GALNTL6: variants seen among roughly 807,000 people sequenced by gnomAD.
GALNTL6 encodes polypeptide N-acetylgalactosaminyltransferase-like 6.
A neutral mutation model predicts 73.7 loss-of-function variants in GALNTL6; 46 were observed. That is an observed-to-expected ratio of 0.62 (90% CI 0.49 to 0.80). The LOEUF is 0.80. Among genes scored for constraint, GALNTL6 ranks in the 30% least tolerant of loss-of-function variants. GALNTL6 has a pLI of 0.00. For missense variants in GALNTL6, 604 were observed against 755.0 expected, an observed-to-expected ratio of 0.80 and a Z score of 2.34; for synonymous variants, 259 against 263.7, an observed-to-expected ratio of 0.98 and a Z score of 0.17.
At chr4:172,067,791 G>A (rs1731409077) in intron 2 of GALNTL6, among the ~76,000 whole-genome samples, 1 of 110,266 alleles carries the variant, frequency 9.1e-6, no homozygotes, top group African/African-American at 3.4e-5. Flanking sequence ...GGGCACCCAG[G>A]TTAGCTGCTA....
In GALNTL6 at chr4:172,264,555, AAT is replaced by A. The variant is rs201920170; in HGVS notation, c.247+34828_247+34829del. Among the ~76,000 whole-genome samples the A allele has an allele frequency of 7.3e-3, 754 of 103,674 alleles. 13 individuals are homozygous for A. The highest frequency in any genetic ancestry group is 0.015 in the African/African-American group (463 of 30,470). The allele number at this position is 103,674 out of a possible 152,430, so 68.0% of individuals were successfully genotyped here. On this transcript the variant is annotated intron_variant, in intron 3 of 12. Transcript: ENST00000506823. ...AATAAGGTTGGCATAATATATGCCA[AAT>A]ATATATATATATATATATATATATA...
intron 5 of GALNTL6, among the ~76,000 whole-genome samples, chr4:172,360,842 C>G (rs1742339293): frequency 6.6e-6 from 1 of 152,116 alleles, no homozygotes; most frequent in African/African-American, 2.4e-5. Context: ...TTCATTATAT[C>G]AGACTTTCAC....
chr4:171,961,229 T>C (rs996808769), intron 2 of GALNTL6, among the ~76,000 whole-genome samples: 1 of 152,194 alleles, frequency 6.6e-6, no homozygotes, highest in African/African-American at 2.4e-5. Context: ...ATTTGACTTA[T>C]AGAGCCAACA....
intron 2 of GALNTL6, among the ~76,000 whole-genome samples, chr4:172,001,199 A>G (rs565096703): frequency 6.9e-4 from 105 of 152,272 alleles, no homozygotes; most frequent in Non-Finnish European, 5.6e-4. Flanking sequence ...AGAAAATGTA[A>G]TTGTTTGACA....
chr4:171,976,721 G>C (rs1417601391), intron 2 of GALNTL6, among the ~76,000 whole-genome samples: 3 of 152,150 alleles, frequency 2.0e-5, no homozygotes, highest in African/African-American at 7.2e-5. Flanking sequence ...ACTGTGAGTC[G>C]TTTAGGAAAG....
intron 2 of GALNTL6, among the ~76,000 whole-genome samples, chr4:171,886,362 T>G (rs1736608224): frequency 6.6e-6 from 1 of 152,170 alleles, no homozygotes; most frequent in Admixed American, 6.5e-5. Context: ...TTTTCTTCAT[T>G]TTTTCATTGT....
At chr4:172,860,634 G>A (rs186472710) in intron 7 of GALNTL6, among the ~76,000 whole-genome samples, 121 of 152,200 alleles carry the variant, frequency 8.0e-4, no homozygotes, top group Non-Finnish European at 1.6e-3. Context: ...AATAAAGATT[G>A]CATAGAAAAT....
At chr4:172,362,093 TA>T (rs1264488366) in intron 5 of GALNTL6, among the ~76,000 whole-genome samples, 1 of 152,086 alleles carries the variant, frequency 6.6e-6, no homozygotes, top group African/African-American at 2.4e-5. Context: ...TAAAACAACT[TA>T]AAAATAATCA....
chr4:171,857,476 G>GA (rs1245761547), intron 2 of GALNTL6, among the ~76,000 whole-genome samples: 1 of 152,128 alleles, frequency 6.6e-6, no homozygotes, highest in East Asian at 1.9e-4. Context: ...AAGCCATAAG[G>GA]AGTGGGCTGA....
At chr4:171,851,659 A>C (rs1007422492) in intron 2 of GALNTL6, among the ~76,000 whole-genome samples, 1 of 152,160 alleles carries the variant, frequency 6.6e-6, no homozygotes, top group African/African-American at 2.4e-5. Flanking sequence ...AAAAAATGTT[A>C]TCTTTTTTGG....
At chr4:172,942,662 C>A (rs1291875511) in intron 9 of GALNTL6, among the ~76,000 whole-genome samples, 2 of 152,122 alleles carry the variant, frequency 1.3e-5, no homozygotes, top group African/African-American at 4.8e-5. Context: ...CTGCACCGCC[C>A]CGGATTTGCT....
chr4:172,090,622 A>C (rs111928983), intron 2 of GALNTL6, among the ~76,000 whole-genome samples: 12 of 152,116 alleles, frequency 7.9e-5, no homozygotes, highest in African/African-American at 2.9e-4. Flanking sequence ...CAATTGCAAA[A>C]ATTTTCTCCC....
chr4:172,196,575 G>A (rs576994313), intron 2 of GALNTL6, among the ~76,000 whole-genome samples: 1 of 152,258 alleles, frequency 6.6e-6, no homozygotes, highest in South Asian at 2.1e-4. Flanking sequence ...GAATCCAGTA[G>A]CACATTAAAA....
intron 5 of GALNTL6, among the ~76,000 whole-genome samples, chr4:172,470,168 A>G (rs1732993681): frequency 6.6e-6 from 1 of 152,188 alleles, no homozygotes; most frequent in Non-Finnish European, 1.5e-5. Flanking sequence ...CAATATGTTA[A>G]GTATATTGTA....
rs1249754305 is a variant in GALNTL6, at chr4:173,041,527, T to C, written c.*1427T>C. 1 of 152,152 alleles carries C rather than the reference T, an allele frequency of 6.6e-6. No homozygotes were observed. The allele number at this position is 152,152 out of a possible 1,614,324, so 9.4% of individuals were successfully genotyped here. On this transcript the variant is annotated 3_prime_UTR_variant, in exon 13 of 13. Transcript: ENST00000506823. ...CTTTCTTTTTGGTTTTTGTTTGAAG[T>C]TGGTTTTCCTGTTAATAAAAATTTA...
At chr4:172,217,745 G>C (rs1736541538) in intron 2 of GALNTL6, among the ~76,000 whole-genome samples, 1 of 151,916 alleles carries the variant, frequency 6.6e-6, no homozygotes, top group Non-Finnish European at 1.5e-5. Context: ...GCAAAATTTT[G>C]TCCTATATGA....
intron 2 of GALNTL6, among the ~76,000 whole-genome samples, chr4:172,024,343 C>T (rs1057046127): frequency 2.0e-5 from 3 of 151,574 alleles, no homozygotes; most frequent in Non-Finnish European, 4.4e-5. Flanking sequence ...ATAATATATT[C>T]CCATTGGATG....
At chr4:172,660,684 T>C (rs1731322037) in intron 5 of GALNTL6, among the ~76,000 whole-genome samples, 1 of 152,166 alleles carries the variant, frequency 6.6e-6, no homozygotes, top group Non-Finnish European at 1.5e-5. Flanking sequence ...TCCTAGTCCA[T>C]TAATGGCCCC....
rs182578212 is a variant in GALNTL6 at position 172,011,058 on chromosome 4, T to C, written c.138+196340T>C. 2.4e-3 allele frequency among the ~76,000 whole-genome samples: 361 copies of C among 152,174 alleles called. 1 individual carries two copies. In the Middle Eastern group the frequency reaches 0.027, roughly 11 times the overall value. On this transcript the variant is annotated intron_variant, in intron 2 of 12. Coordinates refer to ENST00000506823, the MANE Select transcript of GALNTL6 (RefSeq NM_001034845.3). ...GTCAAATGTATACTACTATAAGAAA[T>C]TTTAATTTGCACAACAAATATATGA...
Sources: gnomAD v4.1 joint callset for allele counts (sites outside exome capture counted in the v4.1 genomes callset) on GRCh38, gnomAD v4.1.1 for gene constraint, MANE v1.5 for transcripts, NCBI Gene and HGNC (gene_info 2026-07-23, HGNC 2026-07-21) for gene names.